The following POLA1 variants were observed in gnomAD, a reference collection of about 807,000 sequenced individuals.
The protein encoded by POLA1 is DNA polymerase alpha catalytic subunit.
In POLA1, 15 loss-of-function variants were observed where a neutral mutation model predicts 124.0. That is an observed-to-expected ratio of 0.12 (90% confidence interval 0.08 to 0.19). The LOEUF is 0.19. Among genes scored for constraint, POLA1 ranks in the 10% least tolerant of loss-of-function variants. The probability of loss-of-function intolerance (pLI) is 1.00; values close to 1 mark genes in which losing one functional copy is unlikely to be tolerated. For missense variants in POLA1, 886 were observed against 1,103.4 expected, an observed-to-expected ratio of 0.80 and a Z score of 2.79; for synonymous variants, 408 against 389.4, an observed-to-expected ratio of 1.05 and a Z score of -0.56.
chrX:24,992,592 G>C (rs754418932), intron 36 of POLA1, among the ~76,000 whole-genome samples: 1 of 112,518 alleles, frequency 8.9e-6, no homozygotes, highest in Non-Finnish European at 1.9e-5. Context: ...TTAATTAAAA[G>C]AAAATAACCA....
chrX:24,898,701 A>G (rs1490570118), intron 35 of POLA1, among the ~76,000 whole-genome samples: 4 of 111,921 alleles, frequency 3.6e-5, no homozygotes, highest in Non-Finnish European at 7.5e-5. Context: ...CTAAAATTGG[A>G]ACGTTCTTGT....
chrX:24,881,136 C>T (rs982940681), intron 34 of POLA1, among the ~76,000 whole-genome samples: 14 of 111,950 alleles, frequency 1.3e-4, no homozygotes, highest in African/African-American at 4.5e-4. Context: ...GAAAATTTCA[C>T]TTATGTTGAC....
chrX:24,769,618 C>T (rs1298885580), intron 26 of POLA1, among the ~76,000 whole-genome samples: 1 of 111,614 alleles, frequency 9.0e-6, no homozygotes, highest in Non-Finnish European at 1.9e-5. Context: ...AGTTACAAGC[C>T]TCTGGCATTG....
At chrX:24,779,969 T>G (rs750974550) in intron 26 of POLA1, among the ~76,000 whole-genome samples, 13 of 112,239 alleles carry the variant, frequency 1.2e-4, no homozygotes, top group African/African-American at 4.2e-4. Context: ...TAGTTCAATC[T>G]GACATAGCTT....
chrX:24,772,015 C>A (rs1466248011), intron 26 of POLA1, among the ~76,000 whole-genome samples: 1 of 111,906 alleles, frequency 8.9e-6, no homozygotes, highest in Non-Finnish European at 1.9e-5. Context: ...AAAAAACTTA[C>A]TGTGGATTAT....
intron 22 of POLA1, 41 bp downstream of exon 22, chrX:24,742,162 C>T (rs777545487): frequency 3.2e-5 from 26 of 808,656 alleles, no homozygotes; most frequent in Non-Finnish European, 4.3e-5. Context: ...TCTCTTAACC[C>T]CCCCCCCCCT....
At chrX:24,794,511 G>A (rs1485617975) in intron 26 of POLA1, among the ~76,000 whole-genome samples, 6 of 112,193 alleles carry the variant, frequency 5.3e-5, no homozygotes, top group African/African-American at 1.6e-4. Context: ...ATTTTGTACC[G>A]CTACCTAAGC....
intron 26 of POLA1, among the ~76,000 whole-genome samples, chrX:24,781,642 T>A (rs2045266588): frequency 9.0e-6 from 1 of 111,674 alleles, no homozygotes; most frequent in African/African-American, 3.3e-5. Context: ...AAAAGTGAGC[T>A]TTTTAAAAAA....
intron 32 of POLA1, among the ~76,000 whole-genome samples, chrX:24,835,093 G>A (rs1490316498): frequency 9.3e-6 from 1 of 107,171 alleles, no homozygotes; most frequent in East Asian, 2.9e-4. Context: ...TGTCACCCAG[G>A]CTGGAGTGCA....
chrX:24,884,328 T>G (rs1019520109), intron 34 of POLA1, among the ~76,000 whole-genome samples: 3 of 110,919 alleles, frequency 2.7e-5, no homozygotes, highest in African/African-American at 9.8e-5. Flanking sequence ...TTTGTATTTT[T>G]GGTAGAGACA....
intron 36 of POLA1, among the ~76,000 whole-genome samples, chrX:24,977,637 T>C (rs1221915125): frequency 8.9e-6 from 1 of 112,211 alleles, no homozygotes; most frequent in Non-Finnish European, 1.9e-5. Context: ...TTGATTTCCT[T>C]CCTACCATGT....
intron 2 of POLA1, among the ~76,000 whole-genome samples, chrX:24,701,496 C>T (rs1360845903): frequency 9.6e-6 from 1 of 103,930 alleles, no homozygotes; most frequent in Non-Finnish European, 1.9e-5. Context: ...AGTGCGATGG[C>T]ATGATCTTGG....
chrX:24,834,354 T>C (rs948658075), intron 32 of POLA1, among the ~76,000 whole-genome samples: 1 of 112,120 alleles, frequency 8.9e-6, no homozygotes, highest in African/African-American at 3.2e-5. Context: ...TTATTTCTTC[T>C]AAAATACTCA....
chrX:24,786,185 A>T (rs112178495), intron 26 of POLA1, among the ~76,000 whole-genome samples: 5,081 of 112,384 alleles, frequency 0.045, 298 homozygotes, highest in African/African-American at 0.16. Flanking sequence ...GGCGTACAGA[A>T]AAACCTCTTC....
At chrX:24,826,958 A>T (rs888351355) in intron 32 of POLA1, among the ~76,000 whole-genome samples, 2 of 112,293 alleles carry the variant, frequency 1.8e-5, no homozygotes, top group African/African-American at 6.5e-5. Flanking sequence ...GATTGATGCT[A>T]TCTTGATTAT....
At chrX:24,863,267 C>CA (rs2046745197) in intron 34 of POLA1, among the ~76,000 whole-genome samples, 1 of 107,861 alleles carries the variant, frequency 9.3e-6, no homozygotes, top group Non-Finnish European at 1.9e-5. Flanking sequence ...TGCCCCCCCC[C>CA]ATCTTCCACC....
intron 29 of POLA1, among the ~76,000 whole-genome samples, 191 bp from the exon 30 acceptor site, chrX:24,814,788 C>T (rs1032553898): frequency 5.4e-5 from 6 of 111,554 alleles, no homozygotes; most frequent in African/African-American, 2.0e-4. Context: ...GGCAAACTTT[C>T]GGTAGAGTTG....
At chrX:24,947,870 C>A (rs1308034028) in intron 36 of POLA1, among the ~76,000 whole-genome samples, 1 of 112,046 alleles carries the variant, frequency 8.9e-6, no homozygotes, top group Non-Finnish European at 1.9e-5. Flanking sequence ...CTGGAGATAC[C>A]TGTCTTGAGT....
intron 26 of POLA1, among the ~76,000 whole-genome samples, chrX:24,794,076 A>G (rs1369965152): frequency 9.0e-6 from 1 of 110,979 alleles, no homozygotes; most frequent in African/African-American, 3.3e-5. Flanking sequence ...TCCCGGGTTC[A>G]AATGATTCTC....
Sources: allele counts gnomAD v4.1 joint callset (sites outside exome capture counted in the v4.1 genomes callset), GRCh38; gene constraint gnomAD v4.1.1; transcripts MANE v1.5; gene names NCBI Gene and HGNC (gene_info 2026-07-23, HGNC 2026-07-21).